The following SRPK2 variants were observed in gnomAD, a reference collection of about 807,000 sequenced individuals.
SRPK2 encodes SFRS protein kinase 2.
SRPK2 carries 21 observed loss-of-function variants against 90.8 expected under a neutral mutation model. The ratio of observed to expected loss-of-function variants is 0.23; its 90% CI spans 0.16 to 0.33. The LOEUF (loss-of-function observed/expected upper bound fraction) is 0.33, where lower values mean the gene tolerates loss of function less well. Among genes scored for constraint, SRPK2 ranks in the 10% least tolerant of loss-of-function variants. The pLI, the probability that SRPK2 is intolerant of heterozygous loss-of-function variation, is 1.00. For missense variants in SRPK2, 620 were observed against 869.0 expected (o/e 0.71, Z 3.60); for synonymous variants, 288 against 311.1 (o/e 0.93, Z 0.78).
At chr7:105,383,537 C>T (rs1020747975) in intron 2 of SRPK2, among the ~76,000 whole-genome samples, 1 of 151,824 alleles carries the variant, frequency 6.6e-6, no homozygotes, top group Non-Finnish European at 1.5e-5. Context: ...TCTTCTGCCT[C>T]AGCCTCCCGA....
At position 105,335,561 on chromosome 7, in the gene SRPK2, G is replaced by A. The variant is rs552893385; in HGVS notation, c.71+53087C>T. On this transcript the variant is annotated intron_variant, in intron 2 of 15. Coordinates refer to ENST00000393651, the MANE Select transcript of SRPK2 (RefSeq NM_182692.3). ...AGTTCCAACTACTGGAGATGCTGAG[G>A]TGGGAGGCTCGACTGAGCCCAGGAG... 2.0e-3 allele frequency among the ~76,000 whole-genome samples: 308 copies of A among 151,924 alleles called. 1 individual carries two copies. Among genetic ancestry groups the A allele is most frequent in the Middle Eastern group, 3.4e-3 (1 of 294 alleles).
rs1491033395 is a variant in SRPK2, at chr7:105,176,579, GTA to G, written c.230-7316_230-7315del. Among the ~76,000 whole-genome samples the G allele has an allele frequency of 1.6e-3, 173 of 107,840 alleles. 4 individuals carry two copies. In the South Asian group the frequency reaches 0.035, roughly 22 times the overall value. The allele number at this position is 107,840 out of a possible 152,430, so 70.7% of individuals were successfully genotyped here. ...TATATGTGTGTGTGTGTGTGTGTGT[GTA>G]TGTATATATGTGTGTGTGTGTGTGT... is the stretch of plus-strand genomic sequence containing the variant. On this transcript the variant is annotated intron_variant, in intron 3 of 15. Coordinates refer to ENST00000393651, the MANE Select transcript of SRPK2 (RefSeq NM_182692.3).
intron 2 of SRPK2, among the ~76,000 whole-genome samples, chr7:105,255,592 G>A (rs1803159402): frequency 6.6e-6 from 1 of 151,982 alleles, no homozygotes; most frequent in Non-Finnish European, 1.5e-5. Context: ...TACCATAGTG[G>A]GTACATAAAT....
chr7:105,265,205 C>T (rs1804875993), intron 2 of SRPK2, among the ~76,000 whole-genome samples: 1 of 152,058 alleles, frequency 6.6e-6, no homozygotes, highest in African/African-American at 2.4e-5. Context: ...TCCACATCCA[C>T]AGATTTGACC....
At chr7:105,280,904 G>A (rs1479890813) in intron 2 of SRPK2, among the ~76,000 whole-genome samples, 26 of 117,234 alleles carry the variant, frequency 2.2e-4, no homozygotes, top group East Asian at 5.3e-4. Context: ...CCGAGATAGC[G>A]CCACTGCACT....
chr7:105,273,226 A>G (rs952270010), intron 2 of SRPK2, among the ~76,000 whole-genome samples: 1 of 151,578 alleles, frequency 6.6e-6, no homozygotes, highest in Non-Finnish European at 1.5e-5. Flanking sequence ...AAAAAAAAAA[A>G]GAAAAAAGAA....
chr7:105,266,570 C>T (rs3801278), intron 2 of SRPK2, among the ~76,000 whole-genome samples: 109,386 of 151,996 alleles, frequency 0.72, 39,875 homozygotes, highest in African/African-American at 0.83. Context: ...TACCAGTAGA[C>T]AGATGGGAAC....
intron 2 of SRPK2, among the ~76,000 whole-genome samples, chr7:105,251,505 C>A (rs1293268052): frequency 6.6e-6 from 1 of 152,118 alleles, no homozygotes; most frequent in Non-Finnish European, 1.5e-5. Flanking sequence ...TACCCTGCCA[C>A]AAGCATTTTT....
At chr7:105,384,829 TTC>T (rs1372129988) in intron 2 of SRPK2, among the ~76,000 whole-genome samples, 2 of 151,940 alleles carry the variant, frequency 1.3e-5, no homozygotes, top group Admixed American at 6.6e-5. Context: ...TGCAGGCCAC[TTC>T]TGTTTCCACT....
chr7:105,170,863 GAAAGAAAGAAAGAAAGAAAGA>G (rs1790830244), intron 3 of SRPK2, among the ~76,000 whole-genome samples: 1 of 78,382 alleles, frequency 1.3e-5, no homozygotes, highest in African/African-American at 4.4e-5. Context: ...AAGAAAGAAA[GAAAGAAAGAAAGAAAGAAAGA>G]AAGAAAGAAA....
intron 6 of SRPK2, among the ~76,000 whole-genome samples, chr7:105,162,467 T>C (rs1807822084): frequency 6.6e-6 from 1 of 152,198 alleles, no homozygotes; most frequent in Non-Finnish European, 1.5e-5. Context: ...TTGAGAACAT[T>C]TTATTCATCC....
At chr7:105,142,975 C>T in intron 10 of SRPK2, 109 bp downstream of exon 10, 1 of 1,423,804 alleles carries the variant, frequency 7.0e-7, no homozygotes, top group Non-Finnish European at 9.5e-7. Flanking sequence ...AGAGAATCAT[C>T]CTTGTCATCT....
At chr7:105,160,815 G>T (rs1280025368) in intron 6 of SRPK2, among the ~76,000 whole-genome samples, 1 of 152,188 alleles carries the variant, frequency 6.6e-6, no homozygotes, top group Non-Finnish European at 1.5e-5. Flanking sequence ...GTGTTTCCCA[G>T]TATCTCAGGA....
chr7:105,366,968 T>G (rs564910361), intron 2 of SRPK2, among the ~76,000 whole-genome samples: 30 of 152,310 alleles, frequency 2.0e-4, no homozygotes, highest in African/African-American at 6.5e-4. Context: ...GTATCACTAG[T>G]GTCACTCCGT....
intron 2 of SRPK2, among the ~76,000 whole-genome samples, chr7:105,281,671 A>G (rs1807362364): frequency 6.6e-6 from 1 of 151,554 alleles, no homozygotes; most frequent in Non-Finnish European, 1.5e-5. Flanking sequence ...GCTAAGGTAA[A>G]AAAAAAAAAA....
chr7:105,162,820 T>C (rs1010901151), intron 6 of SRPK2, among the ~76,000 whole-genome samples: 1 of 152,226 alleles, frequency 6.6e-6, no homozygotes, highest in Non-Finnish European at 1.5e-5. Context: ...CGCATTTTGC[T>C]TAACAGTAAA....
chr7:105,219,831 A>G (rs1033810184), intron 2 of SRPK2, among the ~76,000 whole-genome samples: 2 of 152,232 alleles, frequency 1.3e-5, no homozygotes, highest in African/African-American at 2.4e-5. Flanking sequence ...ATTTTCCCAA[A>G]ATATGTAGGT....
In SRPK2 at chr7:105,136,448, A is replaced by C. The variant is rs139153976; in HGVS notation, c.1544-3344T>G. On this transcript the variant is annotated intron_variant, in intron 11 of 15. Transcript: ENST00000393651. ...AATGGTGACACAAAGGACAAACTGG[A>C]GCTGTCTTCCTTCCAAAATGAAAAG... Among the ~76,000 whole-genome samples the C allele has an allele frequency of 3.9e-5, 6 of 152,294 alleles. No individual in the cohort carries two copies. The East Asian group carries it at 7.7e-4, about 20-fold the overall frequency.
At chr7:105,236,550 C>T (rs574177702) in intron 2 of SRPK2, among the ~76,000 whole-genome samples, 1 of 152,018 alleles carries the variant, frequency 6.6e-6, no homozygotes, top group Non-Finnish European at 1.5e-5. Flanking sequence ...TCCCGTTTTA[C>T]AGATGAGGAA....
Sources: allele counts gnomAD v4.1 joint callset (sites outside exome capture counted in the v4.1 genomes callset), GRCh38; gene constraint gnomAD v4.1.1; transcripts MANE v1.5; gene names NCBI Gene and HGNC (gene_info 2026-07-23, HGNC 2026-07-21).